The following CTNNA2 variants were observed in gnomAD, a reference collection of about 807,000 sequenced individuals.
The protein encoded by CTNNA2 is catenin alpha 2, also known as catenin alpha-2.
Under a neutral mutation model 101.0 loss-of-function variants are expected in CTNNA2, and 42 were observed. The observed-to-expected ratio is 0.42, with a 90% confidence interval of 0.32 to 0.54. The LOEUF (loss-of-function observed/expected upper bound fraction) is 0.54, where lower values mean the gene tolerates loss of function less well. Ranked by LOEUF, CTNNA2 falls within the 20% of genes least tolerant of loss-of-function variation. The probability of loss-of-function intolerance (pLI) is 0.14; values close to 1 mark genes in which losing one functional copy is unlikely to be tolerated. For synonymous variants in CTNNA2, 450 were observed against 456.4 expected (o/e 0.99, Z 0.18); for missense variants, 871 against 1,223.1 (o/e 0.71, Z 4.29).
Position 80,155,705 on chromosome 2 carries a change from G to C in CTNNA2, c.1057-237506G>C, listed in dbSNP as rs1241257308. Among the ~76,000 whole-genome samples, 12 of 152,100 alleles carry C rather than the reference G, an allele frequency of 7.9e-5. No homozygotes were observed. In the East Asian group the frequency reaches 2.3e-3, roughly 29 times the overall value. On this transcript the variant is annotated intron_variant, in intron 7 of 18. Transcript: ENST00000402739. ...TGTGACACCTTCCTCTTGTTCCTTTGTATCTTTTTCATCTACTCTTCTGCT... is the reference window on the plus strand; with the variant it reads ...TGTGACACCTTCCTCTTGTTCCTTTCTATCTTTTTCATCTACTCTTCTGCT...
At chr2:79,206,679 C>A (rs1674104619) in intron 2 of CTNNA2, among the ~76,000 whole-genome samples, 1 of 152,174 alleles carries the variant, frequency 6.6e-6, no homozygotes, top group African/African-American at 2.4e-5. Context: ...TAATTAAATT[C>A]TCCAGACACA....
chr2:80,021,312 G>GC, intron 7 of CTNNA2, among the ~76,000 whole-genome samples: 1 of 152,130 alleles, frequency 6.6e-6, no homozygotes, highest in South Asian at 2.1e-4. Context: ...GAGCCACCAC[G>GC]CCCGGACTAA....
At chr2:79,924,499 A>G (rs1015820389) in intron 7 of CTNNA2, among the ~76,000 whole-genome samples, 5 of 152,152 alleles carry the variant, frequency 3.3e-5, no homozygotes, top group Admixed American at 2.6e-4. Flanking sequence ...ATGGAATTTC[A>G]GAAAAGAGCA....
At chr2:80,297,809 C>G (rs1173724318) in intron 7 of CTNNA2, among the ~76,000 whole-genome samples, 3 of 152,180 alleles carry the variant, frequency 2.0e-5, no homozygotes, top group African/African-American at 7.2e-5. Flanking sequence ...TACTCATTAA[C>G]TAATGCCTGA....
At chr2:80,364,011 C>T (rs1248215137) in intron 7 of CTNNA2, among the ~76,000 whole-genome samples, 2 of 152,088 alleles carry the variant, frequency 1.3e-5, no homozygotes, top group African/African-American at 2.4e-5. Flanking sequence ...TGGTTCCTAG[C>T]GTTTACTGCA....
At chr2:79,819,159 A>G (rs866552837) in intron 3 of CTNNA2, among the ~76,000 whole-genome samples, 1 of 151,674 alleles carries the variant, frequency 6.6e-6, no homozygotes. Context: ...TTGTATTTTT[A>G]GTAGAGATGG....
chr2:79,771,137 T>G (rs1338986804), intron 3 of CTNNA2, among the ~76,000 whole-genome samples: 1 of 152,190 alleles, frequency 6.6e-6, no homozygotes, highest in Non-Finnish European at 1.5e-5. Flanking sequence ...GTAGAGAAAT[T>G]TGTGGTTTGT....
intron 7 of CTNNA2, among the ~76,000 whole-genome samples, chr2:80,360,280 A>G (rs1341201755): frequency 6.6e-6 from 1 of 152,170 alleles, no homozygotes; most frequent in Non-Finnish European, 1.5e-5. Flanking sequence ...GATCAAAACT[A>G]TTAACCATTT....
chr2:79,243,107 A>G (rs1162553804), intron 2 of CTNNA2, among the ~76,000 whole-genome samples: 1 of 151,874 alleles, frequency 6.6e-6, no homozygotes, highest in Non-Finnish European at 1.5e-5. Flanking sequence ...CCCAAAAAGA[A>G]CTGTCAGAGA....
chr2:79,253,052 T>C (rs1674794021), intron 2 of CTNNA2, among the ~76,000 whole-genome samples: 1 of 152,246 alleles, frequency 6.6e-6, no homozygotes, highest in Non-Finnish European at 1.5e-5. Context: ...CATTTGCTTA[T>C]TCTGGAGACC....
At chr2:80,548,078 C>G (rs1357769632) in intron 11 of CTNNA2, among the ~76,000 whole-genome samples, 4 of 152,150 alleles carry the variant, frequency 2.6e-5, no homozygotes, top group Non-Finnish European at 5.9e-5. Flanking sequence ...ATGAATCTCT[C>G]ATAAGGTATT....
At chr2:79,919,309 A>C (rs1213806235) in intron 7 of CTNNA2, among the ~76,000 whole-genome samples, 3 of 152,224 alleles carry the variant, frequency 2.0e-5, no homozygotes, top group Non-Finnish European at 4.4e-5. Context: ...TGGAAAAAGA[A>C]AATCTGCCAA....
At chr2:80,307,064 A>G (rs1432608874) in intron 7 of CTNNA2, among the ~76,000 whole-genome samples, 1 of 148,514 alleles carries the variant, frequency 6.7e-6, no homozygotes, top group African/African-American at 2.4e-5. Flanking sequence ...TATATTATAT[A>G]TAAATATATA....
At chr2:80,345,963 GA>G (rs1672695339) in intron 7 of CTNNA2, among the ~76,000 whole-genome samples, 1 of 152,154 alleles carries the variant, frequency 6.6e-6, no homozygotes, top group South Asian at 2.1e-4. Flanking sequence ...CCTGCAGATT[GA>G]GGATAAAGGG....
chr2:79,439,539 C>T (rs74449365), intron 4 of CTNNA2, among the ~76,000 whole-genome samples: 1 of 152,074 alleles, frequency 6.6e-6, no homozygotes, highest in African/African-American at 2.4e-5. Flanking sequence ...ACCAATGAAT[C>T]GTACGCTTTG....
chr2:79,432,517 T>G (rs2104511186), intron 4 of CTNNA2, among the ~76,000 whole-genome samples: 1 of 152,338 alleles, frequency 6.6e-6, no homozygotes, highest in East Asian at 1.9e-4. Flanking sequence ...TATTCAGCCT[T>G]TCCTTCGTTA....
At chr2:79,501,780 T>C (rs1175944988) in intron 4 of CTNNA2, among the ~76,000 whole-genome samples, 1 of 152,156 alleles carries the variant, frequency 6.6e-6, no homozygotes, top group African/African-American at 2.4e-5. Context: ...ATGTATCTTA[T>C]GTGAAACTAA....
At chr2:79,332,318 C>T (rs745709146) in intron 3 of CTNNA2, among the ~76,000 whole-genome samples, 4 of 149,206 alleles carry the variant, frequency 2.7e-5, no homozygotes, top group Admixed American at 6.6e-5. Flanking sequence ...AAAAAAAAGA[C>T]GATGGCCAAC....
At chr2:80,313,373 C>T in intron 7 of CTNNA2, 26 of 1,327,544 alleles carry the variant, frequency 2.0e-5, no homozygotes, top group South Asian at 4.4e-5. Context: ...GGAATTTTAC[C>T]CGATGAGAAG....
Sources: gnomAD v4.1 joint callset for allele counts (sites outside exome capture counted in the v4.1 genomes callset) on GRCh38, gnomAD v4.1.1 for gene constraint, MANE v1.5 for transcripts, NCBI Gene and HGNC (gene_info 2026-07-23, HGNC 2026-07-21) for gene names.